Variants in SLC26A7 observed in about 807,000 individuals in gnomAD.
SLC26A7 encodes anion exchange transporter.
SLC26A7 carries 59 observed loss-of-function variants against 82.5 expected under a neutral mutation model. The observed-to-expected ratio is 0.72, with a 90% CI of 0.58 to 0.89. The LOEUF is 0.89. Ranked by LOEUF, SLC26A7 falls within the 40% of genes least tolerant of loss-of-function variation. The pLI, the probability that SLC26A7 is intolerant of heterozygous loss-of-function variation, is 0.00. For synonymous variants in SLC26A7, 271 were observed against 274.3 expected, an observed-to-expected ratio of 0.99 and a Z score of 0.12; for missense variants, 820 against 793.0, an observed-to-expected ratio of 1.03 and a Z score of -0.41.
rs1305763266 is a variant in SLC26A7, at chr8:91,395,409, C to T, written c.*312C>T. 7 of 356,866 alleles carry T rather than the reference C, an allele frequency of 2.0e-5. No individual in the cohort carries two copies. The South Asian group carries it at 5.5e-4, about 28-fold the overall frequency. 22.1% of individuals were successfully genotyped at this position (356,866 alleles called of 1,614,324 possible). On this transcript the variant is annotated 3_prime_UTR_variant, in exon 19 of 19. Transcript: ENST00000276609. ...TTTGTGTTGTTTTATTTCTATTGTG[C>T]TGTAAGTTGATGTTTAAAATTGAGA...
chr8:91,320,742 C>T (rs576591559), intron 5 of SLC26A7, among the ~76,000 whole-genome samples: 1 of 152,282 alleles, frequency 6.6e-6, no homozygotes, highest in African/African-American at 2.4e-5. Flanking sequence ...GCTAGCATGT[C>T]AAAGAACCTA....
chr8:91,210,909 A>G (rs1809902269), intron 1 of SLC26A7, among the ~76,000 whole-genome samples: 1 of 152,160 alleles, frequency 6.6e-6, no homozygotes, highest in Non-Finnish European at 1.5e-5. Context: ...TCCAAGCAGA[A>G]CAAACAAGAA....
upstream of SLC26A7, among the ~76,000 whole-genome samples, chr8:91,245,162 C>G (rs2130689731): frequency 6.6e-6 from 1 of 152,216 alleles, no homozygotes; most frequent in African/African-American, 2.4e-5. Flanking sequence ...GAGGTTTACA[C>G]TAAATTAATT....
chr8:91,308,589 T>C (rs1442592034), intron 4 of SLC26A7, among the ~76,000 whole-genome samples: 2 of 152,170 alleles, frequency 1.3e-5, no homozygotes, highest in Non-Finnish European at 2.9e-5. Context: ...AATAAGTCAT[T>C]ATGAATAGCC....
intron 4 of SLC26A7, among the ~76,000 whole-genome samples, chr8:91,312,416 T>C (rs1812514221): frequency 6.6e-6 from 1 of 152,174 alleles, no homozygotes; most frequent in African/African-American, 2.4e-5. Context: ...AATATCAGTG[T>C]AAACATATGT....
chr8:91,322,114 A>T (rs989679900), intron 5 of SLC26A7, among the ~76,000 whole-genome samples: 1 of 152,182 alleles, frequency 6.6e-6, no homozygotes, highest in Non-Finnish European at 1.5e-5. Context: ...ATCAGATTTT[A>T]AAAAAGACTA....
chr8:91,258,221 G>C (rs1293903201), intron 2 of SLC26A7, among the ~76,000 whole-genome samples: 1 of 152,024 alleles, frequency 6.6e-6, no homozygotes, highest in East Asian at 1.9e-4. Context: ...TGCTCTATTG[G>C]TTAATTGTAG....
At chr8:91,239,184 C>T (rs1031393462) in intron 2 of SLC26A7, among the ~76,000 whole-genome samples, 2 of 151,760 alleles carry the variant, frequency 1.3e-5, no homozygotes, top group Non-Finnish European at 2.9e-5. Flanking sequence ...TCCTGGCTAA[C>T]ACCATGAAAC....
rs573637383 is a variant in SLC26A7 at position 91,366,706 on chromosome 8, G to A, written c.1615G>A (p.Asp539Asn). 1.3e-4 allele frequency: 210 copies of A among 1,612,512 alleles called. No homozygotes were observed. In the South Asian group the frequency reaches 2.1e-3, roughly 16 times the overall value. The change falls in exon 14 of 19, where the codon GAT becomes AAT. Residue 539 changes from aspartate (D) to asparagine (N), a missense_variant. Asp to Asn is a conservative substitution (Grantham distance 23). Coordinates refer to ENST00000276609, the MANE Select transcript of SLC26A7 (RefSeq NM_052832.4). Reference protein sequence around the residue: ...KENACNQPLDDISKCEQNTLL... With the variant: ...KENACNQPLDNISKCEQNTLL... ...AAATGCCTGTAATCAGCCACTTGAT[G>A]ATATCAGCAAGGTAGGATCAATGGT...
intron 4 of SLC26A7, among the ~76,000 whole-genome samples, chr8:91,307,350 G>A (rs1395310565): frequency 7.5e-5 from 10 of 133,748 alleles, no homozygotes; most frequent in East Asian, 2.2e-4. Context: ...ACATGCACAC[G>A]TATGTTTATT....
chr8:91,340,065 T>C (rs1038349266), intron 7 of SLC26A7, among the ~76,000 whole-genome samples: 5 of 152,240 alleles, frequency 3.3e-5, no homozygotes, highest in Middle Eastern at 3.4e-3. Context: ...AAATAAATAT[T>C]TGGAAAGGTT....
chr8:91,267,298 T>A (rs558299234), intron 2 of SLC26A7, among the ~76,000 whole-genome samples: 124 of 152,118 alleles, frequency 8.2e-4, no homozygotes, highest in African/African-American at 2.4e-3. Context: ...TATTCTCTCC[T>A]CTTCAACTGT....
At chr8:91,342,259 G>A (rs980264219) in intron 8 of SLC26A7, among the ~76,000 whole-genome samples, 1 of 152,082 alleles carries the variant, frequency 6.6e-6, no homozygotes, top group Non-Finnish European at 1.5e-5. Context: ...CCTTTCTCAG[G>A]GAGGCCTTCT....
At position 91,340,422 on chromosome 8, in the gene SLC26A7, T is replaced by G; in HGVS notation, c.897T>G (p.Ala299=). Residue 299 remains alanine, a synonymous_variant, in exon 8 of 19, where the codon GCT becomes GCG. Transcript: ENST00000276609. ...TCCACAGAATTCCCTCACCTAGAGC[T>G]CCCCCGATGAACATCCTCTCTGCGG... The part of the protein sequence containing the change: ...HIPQGIPSPR[A]PPMNILSAVI... 1 of 1,613,848 alleles carries G rather than the reference T, an allele frequency of 6.2e-7. No individual in the cohort carries two copies. Among genetic ancestry groups the G allele is most frequent in the Non-Finnish European group, 8.5e-7 (1 of 1,179,840 alleles).
At chr8:91,211,612 A>T (rs1384233757) in intron 1 of SLC26A7, among the ~76,000 whole-genome samples, 188 of 135,324 alleles carry the variant, frequency 1.4e-3, no homozygotes, top group African/African-American at 4.1e-3. Context: ...ATATATATAT[A>T]TATATTTTTT....
chr8:91,251,075 AT>A (rs1810644381), intron 2 of SLC26A7, among the ~76,000 whole-genome samples: 1 of 152,034 alleles, frequency 6.6e-6, no homozygotes, highest in African/African-American at 2.4e-5. Flanking sequence ...TAGTTTCAGC[AT>A]GCTATAAATT....
At chr8:91,218,761 C>G in intron 1 of SLC26A7, 1 of 566,644 alleles carries the variant, frequency 1.8e-6, no homozygotes, top group Non-Finnish European at 3.0e-6. Context: ...AAGAGCAAAT[C>G]AAGCATAAAT....
chr8:91,280,559 C>T (rs1811543123), intron 2 of SLC26A7, among the ~76,000 whole-genome samples: 1 of 152,122 alleles, frequency 6.6e-6, no homozygotes, highest in Non-Finnish European at 1.5e-5. Flanking sequence ...TTGCCAAGGC[C>T]ACCAGTGCTC....
At chr8:91,300,418 G>A (rs1390335527) in intron 4 of SLC26A7, among the ~76,000 whole-genome samples, 1 of 147,018 alleles carries the variant, frequency 6.8e-6, no homozygotes, top group Non-Finnish European at 1.5e-5. Flanking sequence ...TTTTTTTTGA[G>A]ACGGAGTCTT....
Sources: gnomAD v4.1 joint callset for allele counts (sites outside exome capture counted in the v4.1 genomes callset) on GRCh38, gnomAD v4.1.1 for gene constraint, MANE v1.5 for transcripts, NCBI Gene and HGNC (gene_info 2026-07-23, HGNC 2026-07-21) for gene names.